Variants in SIPA1L3 observed in about 807,000 individuals in gnomAD.
SIPA1L3 encodes signal-induced proliferation-associated 1-like protein 3.
In SIPA1L3, 59 loss-of-function variants were observed where a neutral mutation model predicts 150.1. The observed-to-expected ratio is 0.39, with a 90% CI of 0.32 to 0.49. The LOEUF (loss-of-function observed/expected upper bound fraction) is 0.49, where lower values mean the gene tolerates loss of function less well. Ranked by LOEUF, SIPA1L3 falls within the 20% of genes least tolerant of loss-of-function variation. SIPA1L3 has a pLI of 0.86. For synonymous variants in SIPA1L3, 1,070 were observed against 1,077.6 expected (o/e 0.99, Z 0.14); for missense variants, 2,211 against 2,489.5 (o/e 0.89, Z 2.38).
intron 2 of SIPA1L3, among the ~76,000 whole-genome samples, chr19:38,036,879 C>T (rs980977852): frequency 1.3e-5 from 2 of 152,134 alleles, no homozygotes; most frequent in Admixed American, 6.5e-5. Context: ...AGAGACACCA[C>T]AGCAGAAGGG....
intron 2 of SIPA1L3, among the ~76,000 whole-genome samples, chr19:38,043,119 C>T (rs1968963495): frequency 6.6e-6 from 1 of 152,166 alleles, no homozygotes; most frequent in South Asian, 2.1e-4. Flanking sequence ...GCGGGCAGAT[C>T]ACTTGAGGTC....
chr19:38,113,581 C>T (rs1970815437), intron 8 of SIPA1L3, among the ~76,000 whole-genome samples: 1 of 151,984 alleles, frequency 6.6e-6, no homozygotes, highest in Non-Finnish European at 1.5e-5. Context: ...TGCACTCCAG[C>T]CTGGGTGACA....
chr19:38,185,066 C>T (rs1373239594), intron 16 of SIPA1L3: 1 of 152,602 alleles, frequency 6.6e-6, no homozygotes, highest in Non-Finnish European at 1.5e-5. Context: ...ACTGCTGCCT[C>T]CAGTGAGCTC....
At chr19:38,175,113 C>A (rs1972409108) in intron 15 of SIPA1L3, among the ~76,000 whole-genome samples, 1 of 152,070 alleles carries the variant, frequency 6.6e-6, no homozygotes, top group South Asian at 2.1e-4. Context: ...CAAGTTATTT[C>A]ATCTCCCTGG....
intron 2 of SIPA1L3, among the ~76,000 whole-genome samples, chr19:38,050,482 C>A (rs1021422969): frequency 6.6e-6 from 1 of 152,086 alleles, no homozygotes; most frequent in East Asian, 1.9e-4. Flanking sequence ...AAAAAAACAG[C>A]GCCTAACACA....
intron 1 of SIPA1L3, among the ~76,000 whole-genome samples, chr19:37,980,034 C>T (rs1437887805): frequency 1.3e-5 from 2 of 152,248 alleles, no homozygotes; most frequent in Non-Finnish European, 2.9e-5. Context: ...GAGAGTCAGA[C>T]AGTATCGGGC....
intron 1 of SIPA1L3, among the ~76,000 whole-genome samples, chr19:37,932,115 G>A (rs1411739524): frequency 6.6e-6 from 1 of 152,194 alleles, no homozygotes; most frequent in Non-Finnish European, 1.5e-5. Flanking sequence ...GTGAGCTAGT[G>A]CCTCCTCTGC....
chr19:38,114,990 C>T (rs549582742), intron 8 of SIPA1L3, among the ~76,000 whole-genome samples: 76 of 152,344 alleles, frequency 5.0e-4, no homozygotes, highest in African/African-American at 1.7e-3. Flanking sequence ...TGTTGGGAAC[C>T]CAGCGAGAAG....
At chr19:38,186,841 T>C (rs1972690916) in intron 16 of SIPA1L3, among the ~76,000 whole-genome samples, 1 of 147,946 alleles carries the variant, frequency 6.8e-6, no homozygotes, top group Admixed American at 6.8e-5. Context: ...AAATACAAAA[T>C]TAGCCAGGCG....
intron 1 of SIPA1L3, among the ~76,000 whole-genome samples, chr19:38,001,103 G>A (rs755213079): frequency 6.7e-6 from 1 of 150,300 alleles, no homozygotes. Flanking sequence ...TTCATAAACA[G>A]GAAAAATGTT....
At chr19:38,049,563 C>T (rs748393277) in intron 2 of SIPA1L3, among the ~76,000 whole-genome samples, 10 of 152,180 alleles carry the variant, frequency 6.6e-5, no homozygotes, top group African/African-American at 1.4e-4. Flanking sequence ...AGTGAGCATC[C>T]GCCTACCTTT....
intron 16 of SIPA1L3, among the ~76,000 whole-genome samples, chr19:38,190,815 A>G (rs1001905179): frequency 3.3e-5 from 5 of 152,218 alleles, no homozygotes; most frequent in African/African-American, 1.2e-4. Context: ...CCCAGAGGTT[A>G]TCATGGTTCA....
chr19:38,115,512 G>A (rs1262287167), intron 8 of SIPA1L3, among the ~76,000 whole-genome samples: 2 of 152,202 alleles, frequency 1.3e-5, no homozygotes, highest in Non-Finnish European at 2.9e-5. Context: ...ATGGTTGCCT[G>A]CTCCCATGGT....
intron 15 of SIPA1L3, among the ~76,000 whole-genome samples, chr19:38,174,857 A>G (rs976570477): frequency 7.3e-5 from 11 of 151,464 alleles, no homozygotes; most frequent in African/African-American, 2.4e-4. Context: ...AGGATCCTCC[A>G]TCTAAAGTTG....
chr19:38,090,667 G>T (rs1398715479), intron 4 of SIPA1L3, among the ~76,000 whole-genome samples: 1 of 152,218 alleles, frequency 6.6e-6, no homozygotes, highest in Admixed American at 6.5e-5. Flanking sequence ...CTCCAAAATG[G>T]GTCTCCCTCA....
chr19:37,942,740 G>T (rs1444562016), intron 1 of SIPA1L3, among the ~76,000 whole-genome samples: 1 of 152,130 alleles, frequency 6.6e-6, no homozygotes, highest in African/African-American at 2.4e-5. Context: ...CAAGAAGTGG[G>T]TGGCCCAACA....
Position 38,081,512 on chromosome 19 carries a change from C to T in SIPA1L3, c.-54C>T. The T allele has an allele frequency of 1.3e-6, 2 of 1,497,894 alleles. No homozygotes were observed. Among genetic ancestry groups the T allele is most frequent in the Non-Finnish European group, 9.0e-7 (1 of 1,112,338 alleles). 92.8% of individuals were successfully genotyped at this position (1,497,894 alleles called of 1,614,324 possible). ...ACAATGGCTGAGGGCTGGGGGACCC[C>T]ATAGAGTGACACCACAGCGTACGGG... is the stretch of plus-strand genomic sequence containing the variant. On this transcript the variant is annotated 5_prime_UTR_variant, in exon 3 of 22. Coordinates refer to ENST00000222345, the MANE Select transcript of SIPA1L3 (RefSeq NM_015073.3).
intron 1 of SIPA1L3, among the ~76,000 whole-genome samples, chr19:37,944,216 T>C (rs989394916): frequency 2.0e-5 from 3 of 151,414 alleles, no homozygotes; most frequent in African/African-American, 7.3e-5. Context: ...AGGTGGAGGT[T>C]GCAGTGAGCT....
chr19:37,949,937 C>T (rs1255979184), intron 1 of SIPA1L3, among the ~76,000 whole-genome samples: 5 of 150,722 alleles, frequency 3.3e-5, no homozygotes, highest in Non-Finnish European at 5.9e-5. Flanking sequence ...ATTACCTGGG[C>T]GTGGTGGTGC....
Sources: gnomAD v4.1 joint callset for allele counts (sites outside exome capture counted in the v4.1 genomes callset) on GRCh38, gnomAD v4.1.1 for gene constraint, MANE v1.5 for transcripts, NCBI Gene and HGNC (gene_info 2026-07-23, HGNC 2026-07-21) for gene names.